The following VAMP7 variants were observed in gnomAD, a reference collection of about 807,000 sequenced individuals.
The protein encoded by VAMP7 is vesicle-associated membrane protein 7.
VAMP7 carries 14 observed loss-of-function variants against 29.6 expected under a neutral mutation model. The ratio of observed to expected loss-of-function variants is 0.47; its 90% CI spans 0.31 to 0.74. VAMP7 has a LOEUF of 0.74. Ranked by LOEUF, VAMP7 falls within the 30% of genes least tolerant of loss-of-function variation. The pLI is 0.05. For synonymous variants in VAMP7, 95 were observed against 88.1 expected, an observed-to-expected ratio of 1.08 and a Z score of -0.44; for missense variants, 223 against 262.4, an observed-to-expected ratio of 0.85 and a Z score of 1.04.
Position 155,900,361 on chromosome X carries a change from A to G in VAMP7, c.343-136A>G, listed in dbSNP as rs771727376. The G allele has an allele frequency of 8.0e-5, 52 of 649,872 alleles. No homozygotes were observed. The South Asian group carries it at 1.4e-3, about 17-fold the overall frequency. The allele number at this position is 649,872 out of a possible 1,614,324, so 40.3% of individuals were successfully genotyped here. On this transcript the variant is annotated intron_variant, in intron 4 of 7. Coordinates refer to ENST00000286448, the MANE Select transcript of VAMP7 (RefSeq NM_005638.6). ...GGGTATTGTAACATTTTTCCAGTGAAGTGACATGTATCTTTTATATCAATA... is the reference window on the plus strand; with the variant it reads ...GGGTATTGTAACATTTTTCCAGTGAGGTGACATGTATCTTTTATATCAATA...
At chrX:155,903,723 T>C (rs771048433) in intron 5 of VAMP7, among the ~76,000 whole-genome samples, 1 of 152,204 alleles carries the variant, frequency 6.6e-6, no homozygotes, top group Non-Finnish European at 1.5e-5. Context: ...CTGGAGAGGA[T>C]GTGGAGAAAT....
chrX:155,889,319 A>G (rs1185472668), intron 1 of VAMP7, 139 bp from the exon 2 acceptor site: 4 of 1,234,652 alleles, frequency 3.2e-6, no homozygotes, highest in Non-Finnish European at 4.4e-6. Context: ...GCCTGCTCTT[A>G]AGTCTGTTGT....
At chrX:155,932,088 C>T (rs914696487) in intron 6 of VAMP7, among the ~76,000 whole-genome samples, 15 of 152,104 alleles carry the variant, frequency 9.9e-5, no homozygotes, top group Non-Finnish European at 1.3e-4. Context: ...GGTACCAGTA[C>T]CATGCTGTTT....
chrX:155,937,341 A>G (rs1338247550), intron 6 of VAMP7, among the ~76,000 whole-genome samples: 1 of 152,222 alleles, frequency 6.6e-6, no homozygotes. Context: ...TACCGGACAT[A>G]CAGCATGGCA....
chrX:155,914,884 G>A (rs914400352), intron 5 of VAMP7, among the ~76,000 whole-genome samples: 10 of 152,182 alleles, frequency 6.6e-5, no homozygotes, highest in Non-Finnish European at 1.2e-4. Context: ...CATAAAATGA[G>A]TTAGGGAGGA....
intron 5 of VAMP7, among the ~76,000 whole-genome samples, chrX:155,903,592 A>G (rs1268625888): frequency 3.3e-5 from 5 of 152,066 alleles, no homozygotes; most frequent in East Asian, 1.9e-4. Flanking sequence ...GCAGCCAAAA[A>G]ACACATGAAA....
intron 6 of VAMP7, among the ~76,000 whole-genome samples, chrX:155,936,000 G>A (rs768997600): frequency 6.6e-6 from 1 of 152,246 alleles, no homozygotes; most frequent in Non-Finnish European, 1.5e-5. Flanking sequence ...CAGCAGCGGA[G>A]GCTGCAGAAC....
At chrX:155,887,898 T>C (rs1402374415) in intron 1 of VAMP7, among the ~76,000 whole-genome samples, 3 of 149,102 alleles carry the variant, frequency 2.0e-5, no homozygotes, top group Non-Finnish European at 4.4e-5. Flanking sequence ...GCCACTGCAC[T>C]CTAGCCTGGA....
chrX:155,940,937 A>G (rs1337024441), intron 7 of VAMP7, among the ~76,000 whole-genome samples: 2 of 152,180 alleles, frequency 1.3e-5, no homozygotes, highest in Non-Finnish European at 2.9e-5. Flanking sequence ...AGCAAAGGGC[A>G]TGCAATTCAT....
chrX:155,919,770 A>G lies in VAMP7; in HGVS notation c.434-43A>G, dbSNP rs574570043. On this transcript the variant is annotated intron_variant, in intron 5 of 7. Transcript: ENST00000286448. ...TTTTAAAAAAAGTTTATTTTATTCT[A>G]CAATGGAAAACTTGACCTTTTCTAC... 1.1e-5 allele frequency: 17 copies of G among 1,541,794 alleles called. 1 individual carries two copies. The highest frequency in any genetic ancestry group is 4.1e-5 in the African/African-American group (3 of 73,234).
intron 5 of VAMP7, among the ~76,000 whole-genome samples, chrX:155,915,647 G>T (rs1393725977): frequency 4.6e-5 from 7 of 152,140 alleles, no homozygotes; most frequent in Non-Finnish European, 8.8e-5. Flanking sequence ...GGAACAGGTT[G>T]TTCATTTTCC....
At position 155,898,246 on chromosome X, in the gene VAMP7, G is replaced by A; in HGVS notation, c.339G>A (p.Gln113=). The change falls in exon 4 of 8, where the codon CAG becomes CAA. Residue 113 remains glutamine (Q), a synonymous_variant. Coordinates refer to ENST00000286448, the MANE Select transcript of VAMP7 (RefSeq NM_005638.6). The stretch of plus-strand genomic sequence containing the variant: ...AGTTCTCAAGTGTCTTAGCTGCACA[G>A]CTGGTAAGATCTTTCTCAGGATAAG... ...NSEFSSVLAA[Q]LKHHSENKGL... 1 of 1,612,996 alleles carries A rather than the reference G, an allele frequency of 6.2e-7. No homozygotes were observed. Among genetic ancestry groups the A allele is most frequent in the Non-Finnish European group, 8.5e-7 (1 of 1,179,422 alleles).
chrX:155,908,568 G>A (rs753383823), intron 5 of VAMP7, among the ~76,000 whole-genome samples: 1 of 150,418 alleles, frequency 6.6e-6, no homozygotes, highest in East Asian at 2.0e-4. Flanking sequence ...GAGTGAGAGG[G>A]GGAGGGGGAG....
chrX:155,898,188 C>CGT lies in VAMP7; in HGVS notation c.281_282insGT (p.Gln95TyrfsTer9), dbSNP rs2066012518. 6.2e-7 allele frequency: 1 copy of CGT among 1,613,440 alleles called. No homozygotes were observed. The highest frequency in any genetic ancestry group is 8.5e-7 in the Non-Finnish European group (1 of 1,179,636). Reference sequence around the variant, plus strand: ...TTCCAGACTACTTACGGTTCAAGAGCACAGACAGCACTTCCATATGCCATG... The same window carrying CGT: ...TTCCAGACTACTTACGGTTCAAGAGCGTACAGACAGCACTTCCATATGCCATG... On this transcript the variant is annotated frameshift_variant, in exon 4 of 8. Coordinates refer to ENST00000286448, the MANE Select transcript of VAMP7 (RefSeq NM_005638.6). LOFTEE classifies it high-confidence loss of function.
chrX:155,941,302 G>A (rs1316940014), intron 7 of VAMP7, among the ~76,000 whole-genome samples: 1 of 152,092 alleles, frequency 6.6e-6, no homozygotes, highest in African/African-American at 2.4e-5. Context: ...AAACACATCT[G>A]TAATAGCACC....
intron 5 of VAMP7, among the ~76,000 whole-genome samples, chrX:155,901,228 A>G (rs1445820583): frequency 6.6e-6 from 1 of 152,076 alleles, no homozygotes; most frequent in Non-Finnish European, 1.5e-5. Flanking sequence ...AAAATGCGCA[A>G]ACGTTTTCGT....
intron 2 of VAMP7, among the ~76,000 whole-genome samples, chrX:155,894,942 C>T (rs1025587045): frequency 2.6e-5 from 4 of 152,058 alleles, no homozygotes; most frequent in African/African-American, 9.7e-5. Flanking sequence ...TTTACCTTGC[C>T]ATCTGTTACT....
chrX:155,895,588 TA>T, intron 2 of VAMP7, 34 bp from the exon 3 acceptor site: 1 of 1,526,706 alleles, frequency 6.6e-7, no homozygotes, highest in Non-Finnish European at 9.1e-7. Flanking sequence ...ATGTTGCTTA[TA>T]ACCACAGTAA....
chrX:155,889,367 C>T, intron 1 of VAMP7, 91 bp from the exon 2 acceptor site: 1 of 1,471,650 alleles, frequency 6.8e-7, no homozygotes, highest in African/African-American at 1.4e-5. Context: ...GATACTATCT[C>T]CAGGTAGTAT....
Sources: allele counts gnomAD v4.1 joint callset (sites outside exome capture counted in the v4.1 genomes callset), GRCh38; gene constraint gnomAD v4.1.1; transcripts MANE v1.5; gene names NCBI Gene and HGNC (gene_info 2026-07-23, HGNC 2026-07-21).